TTC12: variants seen among roughly 807,000 people sequenced by gnomAD.
The protein encoded by TTC12 is tetratricopeptide repeat domain 12, also known as tetratricopeptide repeat protein 12.
TTC12 carries 70 observed loss-of-function variants against 90.1 expected under a neutral mutation model. That is an observed-to-expected ratio of 0.78 (90% CI 0.64 to 0.95). TTC12 has a LOEUF of 0.95. Ranked by LOEUF, TTC12 falls within the 40% of genes least tolerant of loss-of-function variation. TTC12 has a pLI of 0.00. For synonymous variants in TTC12, 296 were observed against 311.5 expected, an observed-to-expected ratio of 0.95 and a Z score of 0.53; for missense variants, 819 against 846.1, an observed-to-expected ratio of 0.97 and a Z score of 0.40.
At chr11:113,320,101 G>A (rs185978907) in intron 2 of TTC12, among the ~76,000 whole-genome samples, 11 of 152,004 alleles carry the variant, frequency 7.2e-5, no homozygotes, top group African/African-American at 2.2e-4. Context: ...AATACCCAAG[G>A]GGAAGATGTT....
intron 13 of TTC12, among the ~76,000 whole-genome samples, chr11:113,347,779 AGATG>A (rs781897020): frequency 1.3e-5 from 2 of 152,294 alleles, no homozygotes; most frequent in Admixed American, 6.5e-5. Flanking sequence ...CCAGCACCAT[AGATG>A]TGGGTGACTG....
intron 13 of TTC12, among the ~76,000 whole-genome samples, chr11:113,348,644 G>T (rs1949100853): frequency 6.6e-6 from 1 of 152,142 alleles, no homozygotes; most frequent in Non-Finnish European, 1.5e-5. Flanking sequence ...TCCTTGTAAG[G>T]CTGGTTCTCC....
downstream of TTC12, among the ~76,000 whole-genome samples, chr11:113,367,391 G>A (rs1053413269): frequency 3.3e-5 from 5 of 152,208 alleles, no homozygotes; most frequent in African/African-American, 4.8e-5. Flanking sequence ...TGTTGTAAAG[G>A]TTAAATGAAG....
rs1949321687 is a variant in TTC12 at position 113,351,977 on chromosome 11, T to C, written c.1309-93T>C. 6 of 1,452,432 alleles carry C rather than the reference T, an allele frequency of 4.1e-6. No homozygotes were observed. The East Asian group carries it at 1.4e-4, about 35-fold the overall frequency. 90.0% of individuals were successfully genotyped at this position (1,452,432 alleles called of 1,614,324 possible). On this transcript the variant is annotated intron_variant, in intron 15 of 21. Transcript: ENST00000529221. ...GACATGAAGCTATCTGGTTGGTTCG[T>C]GGGCCTTTTGGTGAGTGAGGGATGC... is the stretch of plus-strand genomic sequence containing the variant.
In TTC12 at chr11:113,324,644, G is replaced by A. The variant is rs781968472; in HGVS notation, c.284G>A (p.Arg95Gln). 5.0e-6 allele frequency: 8 copies of A among 1,613,982 alleles called. No homozygotes were observed. The highest frequency in any genetic ancestry group is 2.2e-5 in the East Asian group (1 of 44,864). ...LASVEKDAKERAKRRRENKVL... is the reference protein window; with the variant it reads ...LASVEKDAKEQAKRRRENKVL... ...TCTGTGGAGAAGGATGCAAAGGAACGAGCCAAGAGAAGAAGGGAAAACAAA... is the reference window on the plus strand; with the variant it reads ...TCTGTGGAGAAGGATGCAAAGGAACAAGCCAAGAGAAGAAGGGAAAACAAA... Residue 95 changes from arginine (R) to glutamine (Q), a missense_variant, in exon 5 of 22, where the codon CGA becomes CAA. By Grantham distance (43) the Arg-to-Gln change is conservative (BLOSUM62 1). Coordinates refer to ENST00000529221, the MANE Select transcript of TTC12 (RefSeq NM_017868.4).
intron 12 of TTC12, among the ~76,000 whole-genome samples, chr11:113,342,770 T>C (rs1217042595): frequency 6.6e-6 from 1 of 152,142 alleles, no homozygotes; most frequent in Non-Finnish European, 1.5e-5. Context: ...TGACAAGAAT[T>C]AAGGGGAGTT....
At chr11:113,332,917 A>G (rs1339667494) in intron 7 of TTC12, among the ~76,000 whole-genome samples, 2 of 152,072 alleles carry the variant, frequency 1.3e-5, no homozygotes, top group African/African-American at 2.4e-5. Flanking sequence ...ATCCCTTATC[A>G]TTGATAGTTA....
intron 8 of TTC12, among the ~76,000 whole-genome samples, chr11:113,337,980 C>T (rs186574264): frequency 1.2e-4 from 19 of 152,296 alleles, no homozygotes; most frequent in Admixed American, 1.1e-3. Flanking sequence ...CTGTTCTCTA[C>T]TTTAATGTGT....
intron 8 of TTC12, among the ~76,000 whole-genome samples, chr11:113,337,181 C>G (rs1299078815): frequency 6.6e-6 from 1 of 152,182 alleles, no homozygotes; most frequent in African/African-American, 2.4e-5. Flanking sequence ...TTCATTCATT[C>G]AGCAGATATT....
intron 20 of TTC12, 57 bp from the exon 21 acceptor site, chr11:113,364,778 C>A: frequency 6.8e-7 from 1 of 1,473,076 alleles, no homozygotes; most frequent in South Asian, 1.2e-5. Context: ...GTCCTGTTGC[C>A]AGCCTCCTAT....
chr11:113,324,488 G>A, intron 4 of TTC12, 117 bp from the exon 5 acceptor site: 1 of 698,666 alleles, frequency 1.4e-6, no homozygotes, highest in Non-Finnish European at 2.4e-6. Context: ...GTGCGTGTGT[G>A]TGCCTGTGTG....
At chr11:113,353,742 T>C (rs1455335023) in intron 16 of TTC12, among the ~76,000 whole-genome samples, 1 of 152,226 alleles carries the variant, frequency 6.6e-6, no homozygotes, top group Non-Finnish European at 1.5e-5. Context: ...TTGCTTGTTT[T>C]TATCAGGTTT....
At chr11:113,348,587 G>A (rs560071967) in intron 13 of TTC12, among the ~76,000 whole-genome samples, 4 of 152,300 alleles carry the variant, frequency 2.6e-5, no homozygotes, top group African/African-American at 9.6e-5. Flanking sequence ...TTTCTAAAAT[G>A]CACATCTGTT....
intron 7 of TTC12, among the ~76,000 whole-genome samples, chr11:113,330,556 T>C (rs782136481): frequency 6.6e-6 from 1 of 152,206 alleles, no homozygotes; most frequent in Non-Finnish European, 1.5e-5. Flanking sequence ...TGTTAAGAGT[T>C]ACTAAAAGAG....
intron 3 of TTC12, 93 bp from the exon 4 acceptor site, chr11:113,323,901 T>G (rs998586085): frequency 2.1e-6 from 2 of 966,304 alleles, no homozygotes; most frequent in African/African-American, 1.7e-5. Context: ...ACCTCTTGTT[T>G]GTAATTGATT....
chr11:113,345,027 CATTT>C (rs1382852259), intron 13 of TTC12, among the ~76,000 whole-genome samples: 7 of 152,090 alleles, frequency 4.6e-5, no homozygotes, highest in Non-Finnish European at 8.8e-5. Context: ...TTTTTTAAAT[CATTT>C]ATTTATTTGT....
chr11:113,323,928 A>G, intron 3 of TTC12, 66 bp from the exon 4 acceptor site: 1 of 1,293,182 alleles, frequency 7.7e-7, no homozygotes, highest in East Asian at 2.3e-5. Flanking sequence ...CTTGGTTTAT[A>G]TACATATAAA....
intron 6 of TTC12, among the ~76,000 whole-genome samples, chr11:113,329,221 CT>C (rs1226701806): frequency 6.6e-6 from 1 of 152,218 alleles, no homozygotes; most frequent in Non-Finnish European, 1.5e-5. Flanking sequence ...TCCAGATGGG[CT>C]GTGCCATTTT....
chr11:113,360,088 G>T, intron 18 of TTC12, 80 bp downstream of exon 18: 134 of 498,470 alleles, frequency 2.7e-4, no homozygotes, highest in Middle Eastern at 2.0e-3. Context: ...TATTATCAGT[G>T]TAATCTTTTT....
Sources: allele counts gnomAD v4.1 joint callset (sites outside exome capture counted in the v4.1 genomes callset), GRCh38; gene constraint gnomAD v4.1.1; transcripts MANE v1.5; gene names NCBI Gene and HGNC (gene_info 2026-07-23, HGNC 2026-07-21).